LRRC4C: variants seen among roughly 807,000 people sequenced by gnomAD.
The protein encoded by LRRC4C is leucine rich repeat containing 4C.
LRRC4C carries 5 observed loss-of-function variants against 33.6 expected under a neutral mutation model. The observed-to-expected ratio is 0.15, with a 90% confidence interval of 0.08 to 0.31. The LOEUF is 0.31. Among genes scored for constraint, LRRC4C ranks in the 10% least tolerant of loss-of-function variants. The pLI, the probability that LRRC4C is intolerant of heterozygous loss-of-function variation, is 1.00. For synonymous variants in LRRC4C, 329 were observed against 302.0 expected, an observed-to-expected ratio of 1.09 and a Z score of -0.93; for missense variants, 560 against 796.7, an observed-to-expected ratio of 0.70 and a Z score of 3.58.
intron 3 of LRRC4C, among the ~76,000 whole-genome samples, chr11:40,580,288 G>T (rs1450407061): frequency 6.6e-6 from 1 of 152,124 alleles, no homozygotes; most frequent in African/African-American, 2.4e-5. Context: ...TCACAAGGCA[G>T]CAGGAGAGAA....
At chr11:40,793,933 G>T (rs574670905) in intron 2 of LRRC4C, among the ~76,000 whole-genome samples, 7 of 151,872 alleles carry the variant, frequency 4.6e-5, no homozygotes, top group Middle Eastern at 3.4e-3. Flanking sequence ...TCTTATCTTC[G>T]TATAAACTGA....
intron 5 of LRRC4C, among the ~76,000 whole-genome samples, chr11:40,154,303 A>C (rs1191547941): frequency 7.5e-6 from 1 of 133,234 alleles, no homozygotes. Context: ...AAAAAAAAAA[A>C]CAAAAAGCAA....
rs569038259 is a variant in LRRC4C at position 40,911,497 on chromosome 11, A to G, written c.-407+22138T>C. 2.0e-5 allele frequency among the ~76,000 whole-genome samples: 3 copies of G among 152,310 alleles called. No homozygotes were observed. In the East Asian group the frequency reaches 5.8e-4, roughly 29 times the overall value. ...TACAGCTGAGGGTCCTGACTCTTAG[A>G]AGGAAAACTAACAAACAGAAAGGAC... On this transcript the variant is annotated intron_variant, in intron 2 of 6. Coordinates refer to ENST00000528697, the MANE Select transcript of LRRC4C (RefSeq NM_001258419.2).
intron 2 of LRRC4C, among the ~76,000 whole-genome samples, chr11:40,867,431 A>G (rs182184721): frequency 1.3e-5 from 2 of 152,334 alleles, no homozygotes; most frequent in Admixed American, 1.3e-4. Context: ...TGAAGGCTAA[A>G]TGAGAAACAT....
intron 4 of LRRC4C, among the ~76,000 whole-genome samples, chr11:40,294,965 G>A (rs1465993559): frequency 6.6e-6 from 1 of 152,186 alleles, no homozygotes; most frequent in East Asian, 1.9e-4. Context: ...CTGTAAAGGC[G>A]AGATAGTAGC....
chr11:40,226,810 T>A (rs752908218), intron 5 of LRRC4C, among the ~76,000 whole-genome samples: 8 of 152,190 alleles, frequency 5.3e-5, no homozygotes, highest in Non-Finnish European at 1.0e-4. Context: ...ATCGCATATA[T>A]ACATATGTAC....
intron 1 of LRRC4C, among the ~76,000 whole-genome samples, chr11:41,410,411 T>A (rs892211186): frequency 2.0e-5 from 3 of 151,310 alleles, no homozygotes; most frequent in South Asian, 2.1e-4. Flanking sequence ...AGTTTTTTTT[T>A]TTTTCTTTTT....
chr11:40,889,918 G>C (rs569620908), intron 2 of LRRC4C, among the ~76,000 whole-genome samples: 9 of 152,196 alleles, frequency 5.9e-5, no homozygotes, highest in Admixed American at 4.6e-4. Flanking sequence ...CTGGCTTATA[G>C]TCAATGTATA....
intron 4 of LRRC4C, among the ~76,000 whole-genome samples, chr11:40,256,287 T>C (rs1164359440): frequency 1.3e-5 from 2 of 152,166 alleles, no homozygotes; most frequent in Non-Finnish European, 2.9e-5. Context: ...CACCAAAAAT[T>C]AGAGTCACAT....
chr11:40,198,554 G>C (rs1396942800), intron 5 of LRRC4C, among the ~76,000 whole-genome samples: 1 of 152,140 alleles, frequency 6.6e-6, no homozygotes, highest in Non-Finnish European at 1.5e-5. Context: ...ATTCCTTTGA[G>C]AGAGTTCCAG....
At chr11:41,147,326 A>G (rs908675512) in intron 1 of LRRC4C, among the ~76,000 whole-genome samples, 5 of 152,182 alleles carry the variant, frequency 3.3e-5, no homozygotes, top group Non-Finnish European at 5.9e-5. Context: ...CCTGTTCATC[A>G]ATGCCAGTGC....
chr11:40,188,599 T>A (rs1861591956), intron 5 of LRRC4C, among the ~76,000 whole-genome samples: 1 of 152,200 alleles, frequency 6.6e-6, no homozygotes, highest in Admixed American at 6.5e-5. Context: ...AAGATTTATA[T>A]CAGAGCAGGG....
chr11:41,307,711 G>GC (rs1950543434), intron 1 of LRRC4C, among the ~76,000 whole-genome samples: 1 of 152,146 alleles, frequency 6.6e-6, no homozygotes, highest in African/African-American at 2.4e-5. Flanking sequence ...TTTCCCACGT[G>GC]CATCTTAAAG....
chr11:40,585,623 TC>T (rs1189935057), intron 3 of LRRC4C, among the ~76,000 whole-genome samples: 5 of 65,990 alleles, frequency 7.6e-5, no homozygotes, highest in African/African-American at 3.2e-4. Flanking sequence ...CCCTCCCCCC[TC>T]CCCCCACCCC....
intron 3 of LRRC4C, among the ~76,000 whole-genome samples, chr11:40,510,787 T>C (rs760203106): frequency 6.6e-6 from 1 of 152,056 alleles, no homozygotes; most frequent in African/African-American, 2.4e-5. Context: ...GAGTAGTATA[T>C]AGAGAGTCTA....
chr11:40,606,821 G>A (rs1408872399), intron 3 of LRRC4C, among the ~76,000 whole-genome samples: 1 of 152,114 alleles, frequency 6.6e-6, no homozygotes, highest in Non-Finnish European at 1.5e-5. Context: ...ACTTCTCAAA[G>A]ATGAGAAAGA....
intron 3 of LRRC4C, among the ~76,000 whole-genome samples, chr11:40,599,360 G>T (rs950733364): frequency 6.6e-6 from 1 of 152,096 alleles, no homozygotes; most frequent in Admixed American, 6.6e-5. Flanking sequence ...CTGAGGCAGC[G>T]GGATAGCTTG....
At chr11:41,287,441 G>T (rs547528585) in intron 1 of LRRC4C, among the ~76,000 whole-genome samples, 1 of 151,902 alleles carries the variant, frequency 6.6e-6, no homozygotes, top group South Asian at 2.1e-4. Context: ...TGTTTTTTGC[G>T]TTTTGTTTTG....
intron 5 of LRRC4C, among the ~76,000 whole-genome samples, chr11:40,228,674 C>A (rs182735967): frequency 3.3e-5 from 5 of 152,306 alleles, no homozygotes; most frequent in Admixed American, 3.3e-4. Context: ...AGAATGCTCA[C>A]AAATCATCTT....
Sources: allele counts gnomAD v4.1 joint callset (sites outside exome capture counted in the v4.1 genomes callset), GRCh38; gene constraint gnomAD v4.1.1; transcripts MANE v1.5; gene names NCBI Gene and HGNC (gene_info 2026-07-23, HGNC 2026-07-21).